The following MARF1 variants were observed in gnomAD, a reference collection of about 807,000 sequenced individuals.
MARF1 encodes meiosis regulator and mRNA stability factor 1, also known as limkain-b1.
In MARF1, 24 loss-of-function variants were observed where a neutral mutation model predicts 168.2. That is an observed-to-expected ratio of 0.14 (90% CI 0.10 to 0.20). The LOEUF is 0.20. MARF1 is among the 10% of genes least tolerant of loss of function. The pLI, the probability that MARF1 is intolerant of heterozygous loss-of-function variation, is 1.00. For synonymous variants in MARF1, 868 were observed against 822.4 expected, an observed-to-expected ratio of 1.06 and a Z score of -0.95; for missense variants, 1,744 against 2,143.6, an observed-to-expected ratio of 0.81 and a Z score of 3.68.
At chr16:15,626,384 C>T (rs1219145287) in intron 7 of MARF1, among the ~76,000 whole-genome samples, 3 of 152,140 alleles carry the variant, frequency 2.0e-5, no homozygotes, top group Non-Finnish European at 4.4e-5. Context: ...TAAATCATAT[C>T]TCAACGAAGT....
chr16:15,623,222 T>C, intron 10 of MARF1, 99 bp from the exon 11 acceptor site: 1 of 815,292 alleles, frequency 1.2e-6, no homozygotes. Context: ...CAGAAGCAGA[T>C]TTTCCACAAC....
chr16:15,638,973 T>C (rs2035773555), intron 2 of MARF1, 117 bp downstream of exon 2: 1 of 1,001,780 alleles, frequency 1.0e-6, no homozygotes, highest in African/African-American at 1.6e-5. Context: ...ACAGGCAAGA[T>C]CTACAGAAAA....
intron 1 of MARF1, among the ~76,000 whole-genome samples, chr16:15,641,074 AAC>A (rs536479784): frequency 1.1e-4 from 17 of 152,186 alleles, no homozygotes; most frequent in Non-Finnish European, 2.1e-4. Context: ...CAGCGTGGGC[AAC>A]AGAGTGAGAT....
At chr16:15,620,199 A>C (rs1374913411) in intron 13 of MARF1, among the ~76,000 whole-genome samples, 1 of 152,120 alleles carries the variant, frequency 6.6e-6, no homozygotes, top group African/African-American at 2.4e-5. Context: ...CAAACAAAAA[A>C]AACAAACTAA....
chr16:15,597,833 C>G (rs1031296960), intron 26 of MARF1, among the ~76,000 whole-genome samples: 2 of 151,742 alleles, frequency 1.3e-5, no homozygotes, highest in Non-Finnish European at 2.9e-5. Flanking sequence ...GCCACCAACC[C>G]TAGGGGGGCA....
rs543703036 is a variant in MARF1, at chr16:15,636,212, T to A, written c.275A>T (p.Gln92Leu). ...DIRSLQQPKIQLSSVPKVSCC... is the reference protein window; with the variant it reads ...DIRSLQQPKILLSSVPKVSCC... ...GCTTACTTTGGGGACAGAAGAAAGC[T>A]GTATTTTAGGCTGCTGAAGAGAACG... is the stretch of plus-strand genomic sequence containing the variant. The change falls in exon 3 of 27, where the codon CAG becomes CTG. Residue 92 changes from glutamine to leucine, a missense_variant. Physicochemically the swap from Gln to Leu is moderately radical, Grantham distance 113 (BLOSUM62 -2). Coordinates refer to ENST00000396368, the MANE Select transcript of MARF1 (RefSeq NM_014647.4). 1.4e-4 allele frequency: 219 copies of A among 1,614,120 alleles called. No homozygotes were observed. Among genetic ancestry groups the A allele is most frequent in the Non-Finnish European group, 1.8e-4 (208 of 1,180,048 alleles).
intron 18 of MARF1, 126 bp from the exon 19 acceptor site, chr16:15,611,234 G>A (rs1484088157): frequency 7.2e-6 from 6 of 834,622 alleles, no homozygotes; most frequent in Admixed American, 7.0e-5. Context: ...CGAGGTGGAC[G>A]GATCACGAGG....
intron 25 of MARF1, among the ~76,000 whole-genome samples, chr16:15,600,162 A>G (rs933554865): frequency 8.5e-5 from 13 of 152,126 alleles, no homozygotes; most frequent in Admixed American, 6.6e-4. Flanking sequence ...TTTTTTCTTC[A>G]ACATCTGAAC....
At position 15,620,463 on chromosome 16, in the gene MARF1, A is replaced by C. The variant is rs369492166; in HGVS notation, c.2708T>G (p.Ile903Ser). The change falls in exon 13 of 27, where the codon ATC (isoleucine) becomes AGC (serine). Residue 903 changes from isoleucine (I) to serine (S), a missense_variant. Coordinates refer to ENST00000396368, the MANE Select transcript of MARF1 (RefSeq NM_014647.4). ...ATACCTAACTTACTTTTTTTCATAG[A>C]TATCTGTAAATTTAAACAGAGGCAG... ...CCLPLFKFTD[I>S]YEKKFGHKLN... The C allele has an allele frequency of 1.9e-6, 3 of 1,609,358 alleles. No homozygotes were observed. Among genetic ancestry groups the C allele is most frequent in the Non-Finnish European group, 2.6e-6 (3 of 1,176,328 alleles).
intron 5 of MARF1, 60 bp downstream of exon 5, chr16:15,633,557 A>T (rs1035834154): frequency 3.1e-5 from 40 of 1,292,550 alleles, no homozygotes; most frequent in Non-Finnish European, 4.0e-5. Flanking sequence ...ACAAACAAAC[A>T]AACAAATATC....
chr16:15,634,362 A>C (rs2035449879), intron 4 of MARF1, among the ~76,000 whole-genome samples: 2 of 152,192 alleles, frequency 1.3e-5, no homozygotes, highest in Non-Finnish European at 2.9e-5. Context: ...CTTTTTAGGG[A>C]AATTATTTTA....
chr16:15,603,614 T>C (rs1237685208), intron 22 of MARF1, among the ~76,000 whole-genome samples: 2 of 152,230 alleles, frequency 1.3e-5, no homozygotes, highest in African/African-American at 2.4e-5. Context: ...GTAATTGGTC[T>C]AATTTTTAAC....
At chr16:15,602,421 G>A (rs1489708998) in intron 22 of MARF1, 1 of 606,054 alleles carries the variant, frequency 1.7e-6, no homozygotes, top group African/African-American at 1.9e-5. Context: ...CAAAGAAGAT[G>A]AAGACAAAGA....
intron 22 of MARF1, 105 bp from the exon 23 acceptor site, chr16:15,602,308 G>A (rs2032521926): frequency 3.4e-6 from 3 of 873,564 alleles, no homozygotes; most frequent in Non-Finnish European, 5.5e-6. Context: ...TGAAGACGAA[G>A]ACAAAGAAGA....
chr16:15,630,306 G>A (rs766470574), intron 7 of MARF1, 26 bp downstream of exon 7: 31 of 1,581,544 alleles, frequency 2.0e-5, no homozygotes, highest in Non-Finnish European at 2.7e-5. Flanking sequence ...ATTGGAAAAT[G>A]GCAAAAATAA....
chr16:15,626,571 A>G (rs980251588), intron 7 of MARF1, among the ~76,000 whole-genome samples: 1 of 152,236 alleles, frequency 6.6e-6, no homozygotes, highest in Non-Finnish European at 1.5e-5. Context: ...GAGCCTGTTC[A>G]GCTTCAACAG....
rs759979347 is a variant in MARF1, at chr16:15,596,817, G to A, written c.5105C>T (p.Pro1702Leu). The change falls in exon 27 of 27, where the codon CCC (proline) becomes CTC (leucine). Residue 1702 changes from proline (P) to leucine (L), a missense_variant. By Grantham distance (98) the Pro-to-Leu change is moderately conservative. Transcript: ENST00000396368. ...CAGTGACTCGGAGGTTTCCGAGGAG[G>A]GGCAGGGAGGCACGGGGACAGCTGC... ...ISAAVPVPPC[P>L]SSETSESLLS... 27 of 1,614,150 alleles carry A rather than the reference G, an allele frequency of 1.7e-5. No individual in the cohort carries two copies. The South Asian group carries it at 2.3e-4, about 14-fold the overall frequency.
In MARF1 at chr16:15,617,462, C is replaced by T. The variant is rs373813322; in HGVS notation, c.2794G>A (p.Gly932Arg). 11 of 1,613,828 alleles carry T rather than the reference C, an allele frequency of 6.8e-6. No homozygotes were observed. The highest frequency in any genetic ancestry group is 2.7e-5 in the African/African-American group (2 of 74,868). Reference protein sequence around the residue: ...DTVAIREQGNGRLVCLLPSSQ... With the variant: ...DTVAIREQGNRRLVCLLPSSQ... ...CTGGGTAGGAGACACACCAGCCGTC[C>T]GTTTCCTTGTTCACGGATTGCGACC... is the stretch of plus-strand genomic sequence containing the variant. The change falls in exon 14 of 27, where the codon GGA (glycine) becomes AGA (arginine). Residue 932 changes from glycine (G) to arginine (R), a missense_variant. Transcript: ENST00000396368.
At chr16:15,635,568 T>C (rs567430581) in intron 3 of MARF1, 88 bp downstream of exon 3, 28 of 1,183,238 alleles carry the variant, frequency 2.4e-5, no homozygotes, top group African/African-American at 9.3e-5. Context: ...TTCAACCCCA[T>C]GTATAATACT....
Sources: gnomAD v4.1 joint callset for allele counts (sites outside exome capture counted in the v4.1 genomes callset) on GRCh38, gnomAD v4.1.1 for gene constraint, MANE v1.5 for transcripts, NCBI Gene and HGNC (gene_info 2026-07-23, HGNC 2026-07-21) for gene names.